Variants in PXDNL observed in about 807,000 individuals in gnomAD.
PXDNL encodes the protein peroxidasin like.
PXDNL carries 145 observed loss-of-function variants against 150.8 expected under a neutral mutation model. The ratio of observed to expected loss-of-function variants is 0.96; its 90% CI spans 0.84 to 1.10. The LOEUF is 1.10. PXDNL is among the 50% of genes least tolerant of loss of function. The pLI is 0.00. For missense variants in PXDNL, 2,087 were observed against 1,873.9 expected, an observed-to-expected ratio of 1.11 and a Z score of -2.10; for synonymous variants, 757 against 725.7, an observed-to-expected ratio of 1.04 and a Z score of -0.69.
intron 14 of PXDNL, among the ~76,000 whole-genome samples, chr8:51,419,241 T>A (rs1439230386): frequency 6.6e-6 from 1 of 152,236 alleles, no homozygotes; most frequent in Non-Finnish European, 1.5e-5. Context: ...AACCAGTATA[T>A]GCATGTTACA....
intron 1 of PXDNL, among the ~76,000 whole-genome samples, chr8:51,660,025 G>C (rs955496239): frequency 4.0e-5 from 6 of 151,830 alleles, no homozygotes; most frequent in African/African-American, 1.2e-4. Context: ...GAGTAGCTGG[G>C]ATTGCAGGCG....
At chr8:51,449,294 G>A (rs1809751864) in intron 10 of PXDNL, among the ~76,000 whole-genome samples, 176 bp from the exon 11 acceptor site, 1 of 152,108 alleles carries the variant, frequency 6.6e-6, no homozygotes, top group Non-Finnish European at 1.5e-5. Flanking sequence ...CTGTTTGCAA[G>A]GAAGCCAGAA....
chr8:51,676,577 G>C (rs559694385), intron 1 of PXDNL, among the ~76,000 whole-genome samples: 2 of 150,876 alleles, frequency 1.3e-5, no homozygotes, highest in East Asian at 3.9e-4. Flanking sequence ...ATGCCTGGCC[G>C]GACTCATCTT....
intron 1 of PXDNL, among the ~76,000 whole-genome samples, chr8:51,672,718 A>C (rs1358045776): frequency 6.6e-6 from 1 of 152,194 alleles, no homozygotes; most frequent in African/African-American, 2.4e-5. Context: ...GACTTAATTT[A>C]TATTATAAAT....
chr8:51,651,586 G>A (rs1484918038), intron 2 of PXDNL, among the ~76,000 whole-genome samples: 1 of 152,170 alleles, frequency 6.6e-6, no homozygotes, highest in East Asian at 1.9e-4. Flanking sequence ...AGATGAGTGA[G>A]GAGTATCAGC....
At chr8:51,425,922 C>A (rs1041698206) in intron 13 of PXDNL, among the ~76,000 whole-genome samples, 1 of 151,964 alleles carries the variant, frequency 6.6e-6, no homozygotes, top group Non-Finnish European at 1.5e-5. Flanking sequence ...CTTGCTACAG[C>A]ACAAAAGAAG....
In PXDNL at chr8:51,457,597, TG is replaced by T. The variant is rs1426418598; in HGVS notation, c.882del (p.Asn294LysfsTer40). On this transcript the variant is annotated frameshift_variant, in exon 9 of 23. Transcript: ENST00000356297. LOFTEE classifies it high-confidence loss of function. ...VFDDGTLMIR[N>X]TRESDQGVYQ... Reference sequence around the variant, plus strand: ...TAGACACCTTGGTCTGACTCTCTGGTGTTTCGGATCATGAGTGTGCCATCAT... The same window carrying T: ...TAGACACCTTGGTCTGACTCTCTGGTTTTCGGATCATGAGTGTGCCATCAT... 1.4e-5 allele frequency: 23 copies of T among 1,613,806 alleles called. No individual in the cohort carries two copies. The highest frequency in any genetic ancestry group is 1.9e-5 in the Non-Finnish European group (22 of 1,179,846).
intron 17 of PXDNL, among the ~76,000 whole-genome samples, chr8:51,392,840 T>C (rs1807955416): frequency 1.3e-5 from 2 of 152,190 alleles, no homozygotes; most frequent in African/African-American, 4.8e-5. Context: ...ACAGCAACAG[T>C]GGTGCCATTT....
chr8:51,411,423 C>G lies in PXDNL; in HGVS notation c.1905-16G>C. ...GTGAGGTTTTCTGCAAATGACAAAA[C>G]ACATGATTCTTTACAAGGCAAAACA... is the stretch of plus-strand genomic sequence containing the variant. On this transcript the variant is annotated splice_polypyrimidine_tract_variant and intron_variant, in intron 15 of 22. Transcript: ENST00000356297. The G allele has an allele frequency of 6.4e-7, 1 of 1,559,460 alleles. No homozygotes were observed. Among genetic ancestry groups the G allele is most frequent in the Non-Finnish European group, 8.6e-7 (1 of 1,160,018 alleles).
At chr8:51,693,565 G>T (rs1318021253) in intron 1 of PXDNL, among the ~76,000 whole-genome samples, 1 of 152,166 alleles carries the variant, frequency 6.6e-6, no homozygotes, top group Admixed American at 6.6e-5. Context: ...CTGAGCCCAG[G>T]AGTTTGAGAC....
At chr8:51,528,528 C>G (rs1281369963) in intron 4 of PXDNL, among the ~76,000 whole-genome samples, 1 of 152,136 alleles carries the variant, frequency 6.6e-6, no homozygotes, top group Non-Finnish European at 1.5e-5. Context: ...AATCTCCAAA[C>G]CTGATTGTGT....
chr8:51,534,953 T>A (rs1585558480), intron 4 of PXDNL, among the ~76,000 whole-genome samples: 1 of 91,062 alleles, frequency 1.1e-5, no homozygotes. Context: ...AGCCGCCCCG[T>A]CCGGGAGGGA....
intron 14 of PXDNL, among the ~76,000 whole-genome samples, chr8:51,415,991 A>G (rs1265955508): frequency 6.6e-6 from 1 of 152,236 alleles, no homozygotes; most frequent in Non-Finnish European, 1.5e-5. Context: ...ATTTACTTTT[A>G]TCTTAGAAAT....
chr8:51,704,018 A>C (rs1214204864), intron 1 of PXDNL, among the ~76,000 whole-genome samples: 1 of 152,220 alleles, frequency 6.6e-6, no homozygotes, highest in Non-Finnish European at 1.5e-5. Context: ...ACAAATATGC[A>C]TGTACTCATG....
chr8:51,372,831 A>G (rs755718397), intron 18 of PXDNL, among the ~76,000 whole-genome samples: 5 of 152,264 alleles, frequency 3.3e-5, no homozygotes, highest in Admixed American at 1.3e-4. Context: ...GAATAAGCAC[A>G]TTCAATTTTA....
At chr8:51,352,390 A>G (rs1474752390) in intron 19 of PXDNL, among the ~76,000 whole-genome samples, 1 of 152,120 alleles carries the variant, frequency 6.6e-6, no homozygotes, top group Non-Finnish European at 1.5e-5. Context: ...ACCATGGATA[A>G]TATGGTTTGG....
chr8:51,632,026 T>C (rs921653848), intron 2 of PXDNL, among the ~76,000 whole-genome samples: 1 of 152,122 alleles, frequency 6.6e-6, no homozygotes, highest in Non-Finnish European at 1.5e-5. Context: ...ATAAATAGAT[T>C]GAGTTCTCCA....
intron 1 of PXDNL, among the ~76,000 whole-genome samples, chr8:51,693,122 CA>C (rs1563508754): frequency 6.6e-6 from 1 of 152,154 alleles, no homozygotes; most frequent in Non-Finnish European, 1.5e-5. Context: ...CTAATACACT[CA>C]AAATAACTGA....
chr8:51,371,961 G>A lies in PXDNL; in HGVS notation c.3813C>T (p.Val1271=), dbSNP rs376858684. Residue 1271 remains valine, a synonymous_variant, in exon 19 of 23, where the codon GTC becomes GTT. Coordinates refer to ENST00000356297, the MANE Select transcript of PXDNL (RefSeq NM_144651.5). The part of the protein sequence containing the change: ...GDSIQQVQAD[V]FVKAEYPQDY... The stretch of plus-strand genomic sequence containing the variant: ...CCTGTGGGTATTCTGCCTTTACAAA[G>A]ACATCAGCCTGCACTTGCTGAATGC... 7.6e-5 allele frequency: 123 copies of A among 1,613,772 alleles called. No homozygotes were observed. The African/African-American group carries it at 1.5e-3, about 19-fold the overall frequency.
Sources: allele counts gnomAD v4.1 joint callset (sites outside exome capture counted in the v4.1 genomes callset), GRCh38; gene constraint gnomAD v4.1.1; transcripts MANE v1.5; gene names NCBI Gene and HGNC (gene_info 2026-07-23, HGNC 2026-07-21).